The following PDE4D variants were observed in gnomAD, a reference collection of about 807,000 sequenced individuals.
PDE4D encodes phosphodiesterase 4D.
A neutral mutation model predicts 87.4 loss-of-function variants in PDE4D; 24 were observed. The observed-to-expected ratio is 0.27, with a 90% CI of 0.20 to 0.39. PDE4D has a LOEUF of 0.39. Ranked by LOEUF, PDE4D falls within the 10% of genes least tolerant of loss-of-function variation. The pLI is 1.00. For synonymous variants in PDE4D, 384 were observed against 383.2 expected, an observed-to-expected ratio of 1.00 and a Z score of -0.02; for missense variants, 714 against 1,041.0, an observed-to-expected ratio of 0.69 and a Z score of 4.32.
At chr5:59,803,776 C>T (rs557852399) in intron 1 of PDE4D, among the ~76,000 whole-genome samples, 24 of 152,292 alleles carry the variant, frequency 1.6e-4, no homozygotes, top group Non-Finnish European at 2.9e-5. Context: ...TTCACTCATG[C>T]TTCAACACAG....
intron 1 of PDE4D, among the ~76,000 whole-genome samples, chr5:60,219,714 A>T (rs1744273933): frequency 6.6e-6 from 1 of 152,210 alleles, no homozygotes; most frequent in Non-Finnish European, 1.5e-5. Flanking sequence ...ACTAATGGGC[A>T]TCTAAACTAA....
chr5:60,172,090 C>T (rs1783488822), intron 2 of PDE4D, among the ~76,000 whole-genome samples: 2 of 145,442 alleles, frequency 1.4e-5, no homozygotes, highest in African/African-American at 5.0e-5. Context: ...GTTTTGAGAA[C>T]TAAATGAGTG....
chr5:59,587,234 A>T (rs565332215), intron 1 of PDE4D, among the ~76,000 whole-genome samples: 3 of 152,186 alleles, frequency 2.0e-5, no homozygotes, highest in African/African-American at 7.2e-5. Flanking sequence ...TATCAAAACC[A>T]TGTGGGAGCT....
chr5:59,689,303 T>C (rs577556323), intron 1 of PDE4D, among the ~76,000 whole-genome samples: 11 of 152,286 alleles, frequency 7.2e-5, no homozygotes, highest in Non-Finnish European at 1.5e-4. Context: ...CTGATGAACA[T>C]TGATGCAAAT....
intron 1 of PDE4D, among the ~76,000 whole-genome samples, chr5:59,420,715 G>T (rs1379052903): frequency 6.9e-6 from 1 of 145,162 alleles, no homozygotes; most frequent in Admixed American, 6.9e-5. Context: ...AACAAGAAAA[G>T]AAAATGGAAA....
At chr5:60,065,507 T>C (rs1388638762) in intron 2 of PDE4D, among the ~76,000 whole-genome samples, 4 of 152,048 alleles carry the variant, frequency 2.6e-5, no homozygotes, top group Admixed American at 6.6e-5. Flanking sequence ...TACATATGTA[T>C]ACATGTGCCA....
At chr5:59,546,783 T>C (rs1165350191) in intron 1 of PDE4D, among the ~76,000 whole-genome samples, 2 of 152,168 alleles carry the variant, frequency 1.3e-5, no homozygotes, top group Admixed American at 1.3e-4. Context: ...CTTTTTCCCC[T>C]TAACACTGGA....
intron 1 of PDE4D, among the ~76,000 whole-genome samples, chr5:59,661,024 T>C (rs1745160443): frequency 6.7e-6 from 1 of 150,308 alleles, no homozygotes; most frequent in East Asian, 1.9e-4. Flanking sequence ...TTTACTGATA[T>C]ATTTATAATC....
chr5:59,823,842 C>T (rs183902862), intron 1 of PDE4D, among the ~76,000 whole-genome samples: 54 of 148,172 alleles, frequency 3.6e-4, no homozygotes, highest in Admixed American at 6.9e-4. Context: ...TGCTATTTTT[C>T]TATCTAGAAT....
chr5:59,572,527 C>A (rs1262837804), intron 1 of PDE4D, among the ~76,000 whole-genome samples: 3 of 151,956 alleles, frequency 2.0e-5, no homozygotes, highest in African/African-American at 7.3e-5. Context: ...TTCGCCCAGG[C>A]CGGACTGCAG....
At chr5:60,058,130 G>A (rs1415882678) in intron 2 of PDE4D, among the ~76,000 whole-genome samples, 1 of 151,878 alleles carries the variant, frequency 6.6e-6, no homozygotes, top group Non-Finnish European at 1.5e-5. Context: ...AAAATGGTGG[G>A]AATTTAAAGC....
At chr5:59,285,120 C>T (rs1157813869) in intron 1 of PDE4D, among the ~76,000 whole-genome samples, 2 of 131,892 alleles carry the variant, frequency 1.5e-5, no homozygotes, top group South Asian at 2.7e-4. Context: ...CTAGATGACG[C>T]GTTAGTGGGT....
chr5:59,769,258 T>C (rs1294295435), intron 1 of PDE4D, among the ~76,000 whole-genome samples: 1 of 152,176 alleles, frequency 6.6e-6, no homozygotes, highest in Non-Finnish European at 1.5e-5. Context: ...ATACTACACA[T>C]GGAACGCTTT....
At chr5:59,973,929 G>T (rs985519486) in intron 3 of PDE4D, among the ~76,000 whole-genome samples, 1 of 152,118 alleles carries the variant, frequency 6.6e-6, no homozygotes, top group Non-Finnish European at 1.5e-5. Context: ...CAAGGATCTT[G>T]GTTCCAGGTC....
At chr5:59,586,862 T>C in intron 1 of PDE4D, 1 of 985,476 alleles carries the variant, frequency 1.0e-6, no homozygotes, top group Non-Finnish European at 1.2e-6. Flanking sequence ...CCTTTAGAAA[T>C]GAATATTGCT....
intron 1 of PDE4D, among the ~76,000 whole-genome samples, chr5:59,748,577 C>T (rs536797660): frequency 1.0e-3 from 150 of 144,172 alleles, no homozygotes; most frequent in Non-Finnish European, 1.7e-3. Flanking sequence ...CACATGTTCT[C>T]ACTTGTAGGT....
chr5:59,464,478 T>C (rs1801265155), intron 1 of PDE4D, among the ~76,000 whole-genome samples: 1 of 152,226 alleles, frequency 6.6e-6, no homozygotes, highest in Non-Finnish European at 1.5e-5. Context: ...TTGTCTATGA[T>C]GCAAAGACCT....
intron 1 of PDE4D, among the ~76,000 whole-genome samples, chr5:60,416,838 A>C (rs1742636443): frequency 1.3e-5 from 2 of 152,226 alleles, no homozygotes; most frequent in African/African-American, 4.8e-5. Context: ...TTTGTGGAAC[A>C]TGCTGTGTCC....
intron 1 of PDE4D, among the ~76,000 whole-genome samples, chr5:59,287,106 G>A (rs61683381): frequency 0.082 from 12,403 of 152,152 alleles, 659 homozygotes; most frequent in Middle Eastern, 0.13. Flanking sequence ...CACCAAAGGG[G>A]TTCTAGGGGT....
Sources: allele counts gnomAD v4.1 joint callset (sites outside exome capture counted in the v4.1 genomes callset), GRCh38; gene constraint gnomAD v4.1.1; transcripts MANE v1.5; gene names NCBI Gene and HGNC (gene_info 2026-07-23, HGNC 2026-07-21).